MRPL38: variants seen among roughly 807,000 people sequenced by gnomAD.
MRPL38 encodes the protein mitochondrial ribosomal protein L38.
MRPL38 carries 51 observed loss-of-function variants against 52.1 expected under a neutral mutation model. The ratio of observed to expected loss-of-function variants is 0.98; its 90% CI spans 0.78 to 1.24. The LOEUF (loss-of-function observed/expected upper bound fraction) is 1.24. Ranked by LOEUF, MRPL38 falls within the 50% of genes most tolerant of loss-of-function variation. MRPL38 has a pLI of 0.00. For missense variants in MRPL38, 527 were observed against 518.6 expected (o/e 1.02, Z -0.16); for synonymous variants, 245 against 212.7 (o/e 1.15, Z -1.32).
At position 75,898,683 on chromosome 17, in the gene MRPL38, C is replaced by T; in HGVS notation, c.*167G>A. 1 of 725,632 alleles carries T rather than the reference C, an allele frequency of 1.4e-6. No homozygotes were observed. Among genetic ancestry groups the T allele is most frequent in the South Asian group, 1.9e-5 (1 of 53,618 alleles). The allele number at this position is 725,632 out of a possible 1,614,324, so 44.9% of individuals were successfully genotyped here. A position where few individuals can be genotyped will look rare whatever the true frequency, so the allele number is the denominator to read the frequency against. On this transcript the variant is annotated 3_prime_UTR_variant, in exon 9 of 9. Transcript: ENST00000309352. ...ATGTTTATTCACATTCCCCACCCCA[C>T]CACCTGAGAGTCACTTTCACTCCAA...
chr17:75,903,460 G>T (rs538741910), intron 2 of MRPL38, among the ~76,000 whole-genome samples: 5 of 152,180 alleles, frequency 3.3e-5, no homozygotes, highest in Non-Finnish European at 7.3e-5. Context: ...CCTCATCAGA[G>T]ATGGCATTAG....
At position 75,899,681 on chromosome 17, in the gene MRPL38, G is replaced by A. The variant is rs768454084; in HGVS notation, c.711-7C>T. On this transcript the variant is annotated splice_polypyrimidine_tract_variant and splice_region_variant and intron_variant, in intron 6 of 8. Transcript: ENST00000309352. ...GTTACCCGGGATGTTGGTTCTGGGAGGAGGAAAGTCCCGGTTAATTACCAC... is the reference window on the plus strand; with the variant it reads ...GTTACCCGGGATGTTGGTTCTGGGAAGAGGAAAGTCCCGGTTAATTACCAC... 4 of 1,555,180 alleles carry A rather than the reference G, an allele frequency of 2.6e-6. No homozygotes were observed. The African/African-American group carries it at 4.1e-5, about 16-fold the overall frequency.
In MRPL38 at chr17:75,902,075, G is replaced by A; in HGVS notation, c.327C>T (p.Ala109=). The change falls in exon 3 of 9, where the codon GCC becomes GCT. Residue 109 remains alanine (A), a synonymous_variant. Coordinates refer to ENST00000309352, the MANE Select transcript of MRPL38 (RefSeq NM_032478.4). ...RTQQLLERKQ[A]IQELRANVEE... ...CCACATTGGCCCGAAGCTCCTGGAT[G>A]GCCTGTTTCCGTTCCAGTAGCTGTT... The A allele has an allele frequency of 6.2e-7, 1 of 1,611,540 alleles. No homozygotes were observed.
chr17:75,900,522 C>A (rs1444467774), intron 6 of MRPL38: 3 of 157,942 alleles, frequency 1.9e-5, no homozygotes, highest in South Asian at 1.9e-4. Flanking sequence ...GCTCAGGAGA[C>A]CAGCCTGGGC....
chr17:75,903,460 G>A (rs538741910), intron 2 of MRPL38, among the ~76,000 whole-genome samples: 3 of 152,298 alleles, frequency 2.0e-5, no homozygotes, highest in South Asian at 2.1e-4. Context: ...CCTCATCAGA[G>A]ATGGCATTAG....
In MRPL38 at chr17:75,899,219, G is replaced by A; in HGVS notation, c.945C>T (p.Gly315=). Residue 315 remains glycine (G), a synonymous_variant, in exon 8 of 9, where the codon GGC becomes GGT. Transcript: ENST00000309352. ...KKHQETMTPA[G]LSFFQCRWDD... is the part of the protein sequence containing the mutation. ...CCCAGCGGCACTGGAAGAAGGACAA[G>A]CCGGCTGGAGTCATGGTTTCTTGGT... 6.2e-7 allele frequency: 1 copy of A among 1,609,952 alleles called. No individual in the cohort carries two copies. The highest frequency in any genetic ancestry group is 1.1e-5 in the South Asian group (1 of 90,304).
At chr17:75,903,422 AAAT>A (rs1273198622) in intron 2 of MRPL38, among the ~76,000 whole-genome samples, 1 of 152,168 alleles carries the variant, frequency 6.6e-6, no homozygotes, top group Non-Finnish European at 1.5e-5. Context: ...AAACAAAACA[AAAT>A]AATAATAACG....
intron 6 of MRPL38, chr17:75,899,898 G>A (rs2065396412): frequency 2.8e-6 from 1 of 361,010 alleles, no homozygotes; most frequent in Admixed American, 4.6e-5. Flanking sequence ...GGGCTCCAGA[G>A]AGCATCAGCT....
In MRPL38 at chr17:75,904,681, G is replaced by C; in HGVS notation, c.106C>G (p.Pro36Ala). ...TTGCTCAAGTCGATGTCACTGTTGG[G>C]CATCGGCCCCAGCGGGGGTGTCCGG... Reference protein sequence around the residue: ...GRRTPPLGPMPNSDIDLSNLE... With the variant: ...GRRTPPLGPMANSDIDLSNLE... The change falls in exon 2 of 9, where the codon CCC becomes GCC. Residue 36 changes from proline (P) to alanine (A), a missense_variant. Physicochemically the swap from Pro to Ala is conservative, Grantham distance 27. Coordinates refer to ENST00000309352, the MANE Select transcript of MRPL38 (RefSeq NM_032478.4). 1 of 1,596,688 alleles carries C rather than the reference G, an allele frequency of 6.3e-7. No homozygotes were observed. Among genetic ancestry groups the C allele is most frequent in the Non-Finnish European group, 8.5e-7 (1 of 1,178,276 alleles).
chr17:75,899,332 G>C (rs942169661), intron 7 of MRPL38, 38 bp from the exon 8 acceptor site: 1 of 1,601,868 alleles, frequency 6.2e-7, no homozygotes, highest in African/African-American at 1.3e-5. Context: ...GTGTGGAGTG[G>C]GGCACCAGAG....
At chr17:75,904,768 C>CCG in intron 1 of MRPL38, 41 bp downstream of exon 1, 1 of 1,056,378 alleles carries the variant, frequency 9.5e-7, no homozygotes, top group Non-Finnish European at 1.2e-6. Context: ...GCTCGGGCGA[C>CCG]AGCCCCCCCC....
intron 6 of MRPL38, chr17:75,900,622 G>A: frequency 3.1e-6 from 1 of 325,628 alleles, no homozygotes; most frequent in Non-Finnish European, 4.9e-6. Flanking sequence ...TCAGGAGACT[G>A]AGGTGGGAAG....
At chr17:75,899,874 C>T (rs1024149387) in intron 6 of MRPL38, 200 bp from the exon 7 acceptor site, 8 of 397,226 alleles carry the variant, frequency 2.0e-5, no homozygotes, top group Non-Finnish European at 3.1e-5. Context: ...TGGAGGAGCT[C>T]CGAGTGGGGG....
In MRPL38 at chr17:75,901,169, G is replaced by T. The variant is rs1308920980; in HGVS notation, c.664+32C>A. ...GCCCTGGCTCATAGGAGGTGAGCGG[G>T]GCAGGAGGCCTGGTGAGCCCCAGAC... is the stretch of plus-strand genomic sequence containing the variant. On this transcript the variant is annotated intron_variant, in intron 5 of 8. Coordinates refer to ENST00000309352, the MANE Select transcript of MRPL38 (RefSeq NM_032478.4). This position sits in a 1 kb window ranked among gnomAD's most constrained non-coding sequence, Gnocchi z 5.7. 2 of 1,611,840 alleles carry T rather than the reference G, an allele frequency of 1.2e-6. No individual in the cohort carries two copies. Among genetic ancestry groups the T allele is most frequent in the South Asian group, 2.2e-5 (2 of 90,684 alleles).
chr17:75,899,559 CCTG>C lies in MRPL38; in HGVS notation c.823_825del (p.Gln275del). Reference sequence around the variant, plus strand: ...TCCTCAGAGAAGTCAATCGGCTGGTCCTGCTTGAAGAGCAGGAAGGCAAGACGG... The same window carrying C: ...TCCTCAGAGAAGTCAATCGGCTGGTCCTTGAAGAGCAGGAAGGCAAGACGG... On this transcript the variant is annotated inframe_deletion, in exon 7 of 9. Transcript: ENST00000309352. The C allele has an allele frequency of 1.9e-6, 3 of 1,603,464 alleles. No individual in the cohort carries two copies. In the South Asian group the frequency reaches 3.3e-5, roughly 18 times the overall value.
Position 75,904,864 on chromosome 17 carries a change from G to A in MRPL38, c.12C>T (p.Pro4=), listed in dbSNP as rs2144137630. The A allele has an allele frequency of 6.6e-7, 1 of 1,512,216 alleles. No individual in the cohort carries two copies. The allele number at this position is 1,512,216 out of a possible 1,614,324, so 93.7% of individuals were successfully genotyped here. The change falls in exon 1 of 9, where the codon CCC becomes CCT. Residue 4 remains proline, a synonymous_variant. Transcript: ENST00000309352. ...ACTCGCACAGCGCGGCTCGCCACCAGGGCGCCGCCATCTTCCCTCCGGCCT... is the reference window on the plus strand; with the variant it reads ...ACTCGCACAGCGCGGCTCGCCACCAAGGCGCCGCCATCTTCCCTCCGGCCT... The part of the protein sequence containing the change: MAA[P]WWRAALCECR...
intron 6 of MRPL38, 161 bp from the exon 7 acceptor site, chr17:75,899,835 G>A (rs545787703): frequency 3.6e-5 from 18 of 499,844 alleles, no homozygotes; most frequent in Middle Eastern, 5.6e-4. Context: ...TGTGAACGCC[G>A]GGACATGCTG....
chr17:75,904,551 C>A lies in MRPL38; in HGVS notation c.236G>T (p.Gly79Val). Residue 79 changes from glycine to valine, a missense_variant, in exon 2 of 9, where the codon GGG becomes GTG. By Grantham distance (109) the Gly-to-Val change is moderately radical. Transcript: ENST00000309352. ...CAGTCGCCCCGCACCTGTCTTCTCC[C>A]CGAAATACTCTCGGTAGGTCCGCCA... is the stretch of plus-strand genomic sequence containing the variant. ...HWWRTYREYF[G>V]EKTDPKEKID... 2 of 1,557,232 alleles carry A rather than the reference C, an allele frequency of 1.3e-6. No homozygotes were observed. Among genetic ancestry groups the A allele is most frequent in the South Asian group, 1.2e-5 (1 of 85,936 alleles).
At chr17:75,904,486 G>T in intron 2 of MRPL38, 54 bp downstream of exon 2, 2 of 1,459,504 alleles carry the variant, frequency 1.4e-6, no homozygotes, top group South Asian at 1.4e-5. Context: ...AAACGCCGGC[G>T]GGTCCCGAGT....
Sources: gnomAD v4.1 joint callset for allele counts (sites outside exome capture counted in the v4.1 genomes callset) on GRCh38, gnomAD v4.1.1 for gene constraint, Gnocchi (gnomAD v3.1) non-coding constraint, MANE v1.5 for transcripts, NCBI Gene and HGNC (gene_info 2026-07-23, HGNC 2026-07-21) for gene names.